ADK: variants seen among roughly 807,000 people sequenced by gnomAD.
The protein encoded by ADK is adenosine kinase.
ADK carries 24 observed loss-of-function variants against 44.7 expected under a neutral mutation model. The observed-to-expected ratio is 0.54, with a 90% CI of 0.39 to 0.76. The LOEUF is 0.76. Ranked by LOEUF, ADK falls within the 30% of genes least tolerant of loss-of-function variation. ADK has a pLI of 0.00. For missense variants in ADK, 321 were observed against 425.1 expected (o/e 0.76, Z 2.15); for synonymous variants, 128 against 142.6 (o/e 0.90, Z 0.73).
intron 6 of ADK, among the ~76,000 whole-genome samples, chr10:74,416,862 T>C (rs79484640): frequency 0.013 from 1,991 of 152,164 alleles, 46 homozygotes; most frequent in African/African-American, 0.045. Context: ...ATTTCATCTT[T>C]TCCAGAGAGG....
At chr10:74,235,435 C>G (rs1411987870) in intron 3 of ADK, among the ~76,000 whole-genome samples, 1 of 152,142 alleles carries the variant, frequency 6.6e-6, no homozygotes, top group East Asian at 1.9e-4. Context: ...TCCTAAGTAG[C>G]TGGGACTACA....
At chr10:74,668,893 A>C (rs11001103) in intron 9 of ADK, among the ~76,000 whole-genome samples, 102,268 of 150,672 alleles carry the variant, frequency 0.68, 35,076 homozygotes, top group Middle Eastern at 0.79. Flanking sequence ...AAAAAAAAGC[A>C]AAAAATTGAC....
intron 4 of ADK, among the ~76,000 whole-genome samples, chr10:74,352,222 CAG>C (rs1390410398): frequency 6.6e-6 from 1 of 152,098 alleles, no homozygotes; most frequent in Non-Finnish European, 1.5e-5. Context: ...GGTACCAAAA[CAG>C]ATATATAGAC....
intron 9 of ADK, among the ~76,000 whole-genome samples, chr10:74,641,033 T>G (rs766573541): frequency 9.2e-5 from 14 of 152,214 alleles, no homozygotes; most frequent in Non-Finnish European, 1.6e-4. Context: ...AAATAGAGCC[T>G]TTGACTTCCC....
intron 4 of ADK, among the ~76,000 whole-genome samples, chr10:74,347,193 C>T (rs1044687050): frequency 7.6e-5 from 11 of 144,642 alleles, no homozygotes; most frequent in Non-Finnish European, 1.5e-4. Context: ...AAGACCAACA[C>T]AGAAGGTGGG....
rs1842692382 is a variant in ADK, at chr10:74,184,962, A to C, written c.66-15802A>C. The stretch of plus-strand genomic sequence containing the variant: ...TGTATATTAAATAGTAATGCACATG[A>C]TTTGAAATTAGGGATTATTTGTTAT... On this transcript the variant is annotated intron_variant, in intron 1 of 10. Coordinates refer to ENST00000539909, the MANE Select transcript of ADK (RefSeq NM_006721.4). 1.3e-5 allele frequency among the ~76,000 whole-genome samples: 2 copies of C among 152,182 alleles called. 1 individual carries two copies. The highest frequency in any genetic ancestry group is 4.8e-5 in the African/African-American group (2 of 41,430).
At chr10:74,617,792 G>C (rs141203251) in intron 9 of ADK, among the ~76,000 whole-genome samples, 66 of 152,040 alleles carry the variant, frequency 4.3e-4, no homozygotes, top group Middle Eastern at 6.8e-3. Context: ...AGGTCTCACT[G>C]TCTTGCCCAG....
At chr10:74,372,679 T>C (rs1453642774) in intron 4 of ADK, among the ~76,000 whole-genome samples, 1 of 152,116 alleles carries the variant, frequency 6.6e-6, no homozygotes, top group Non-Finnish European at 1.5e-5. Context: ...CTCTAAAAAC[T>C]ACATAACATT....
intron 6 of ADK, among the ~76,000 whole-genome samples, chr10:74,432,670 A>G (rs1845043079): frequency 6.6e-6 from 1 of 152,140 alleles, no homozygotes; most frequent in Admixed American, 6.6e-5. Flanking sequence ...TTATAGGACT[A>G]TTCTATGAGT....
intron 2 of ADK, among the ~76,000 whole-genome samples, chr10:74,201,636 G>A (rs1297147265): frequency 6.7e-6 from 1 of 150,138 alleles, no homozygotes; most frequent in Non-Finnish European, 1.5e-5. Flanking sequence ...GTGTTTGTGT[G>A]TGTGTGTATA....
intron 6 of ADK, among the ~76,000 whole-genome samples, chr10:74,433,086 A>T (rs1845055113): frequency 6.6e-6 from 1 of 152,220 alleles, no homozygotes; most frequent in African/African-American, 2.4e-5. Context: ...CCCATTAATT[A>T]GCAAACCAAC....
intron 1 of ADK, among the ~76,000 whole-genome samples, chr10:74,188,829 G>A (rs1256858425): frequency 6.6e-6 from 1 of 152,094 alleles, no homozygotes; most frequent in East Asian, 1.9e-4. Flanking sequence ...CTGGAGTGCA[G>A]TGGTACGATC....
rs376782328 is a variant in ADK at position 74,200,747 on chromosome 10, G to A, written c.66-17G>A. On this transcript the variant is annotated splice_polypyrimidine_tract_variant and intron_variant, in intron 1 of 10. Coordinates refer to ENST00000539909, the MANE Select transcript of ADK (RefSeq NM_006721.4). ...ACTTTTAGAAGTATTTCTAACTTGT[G>A]TTTTGTGTTTTTTTAGAGAAAATAT... 1 of 1,571,462 alleles carries A rather than the reference G, an allele frequency of 6.4e-7. No homozygotes were observed. Among genetic ancestry groups the A allele is most frequent in the Non-Finnish European group, 8.8e-7 (1 of 1,142,660 alleles).
At chr10:74,401,003 T>C (rs903360559) in intron 6 of ADK, among the ~76,000 whole-genome samples, 11 of 152,210 alleles carry the variant, frequency 7.2e-5, no homozygotes, top group Non-Finnish European at 1.6e-4. Flanking sequence ...CCTCTTTTGG[T>C]TTAAATACAG....
intron 6 of ADK, among the ~76,000 whole-genome samples, chr10:74,443,750 G>A (rs192501976): frequency 2.6e-5 from 4 of 152,132 alleles, no homozygotes; most frequent in East Asian, 3.9e-4. Flanking sequence ...AAAACTTTTA[G>A]ACTACTGTGA....
At chr10:74,430,848 A>G (rs1371521283) in intron 6 of ADK, among the ~76,000 whole-genome samples, 2 of 151,956 alleles carry the variant, frequency 1.3e-5, no homozygotes, top group African/African-American at 2.4e-5. Context: ...AAATATGCCT[A>G]GAGTGTTTGA....
chr10:74,692,400 A>T (rs530287446), intron 10 of ADK, among the ~76,000 whole-genome samples: 1 of 152,132 alleles, frequency 6.6e-6, no homozygotes, highest in Non-Finnish European at 1.5e-5. Context: ...AATTGCTTAA[A>T]CCCAGGAGGC....
At chr10:74,408,262 G>A (rs533825850) in intron 6 of ADK, among the ~76,000 whole-genome samples, 24 of 151,824 alleles carry the variant, frequency 1.6e-4, no homozygotes, top group African/African-American at 5.6e-4. Context: ...CAATGTGCTG[G>A]TATTACAGGC....
chr10:74,417,268 T>C (rs1034325973), intron 6 of ADK, among the ~76,000 whole-genome samples: 29 of 152,174 alleles, frequency 1.9e-4, no homozygotes, highest in African/African-American at 6.8e-4. Flanking sequence ...TTTAATTCCC[T>C]TGTTGTCTTT....
Sources: gnomAD v4.1 joint callset for allele counts (sites outside exome capture counted in the v4.1 genomes callset) on GRCh38, gnomAD v4.1.1 for gene constraint, MANE v1.5 for transcripts, NCBI Gene and HGNC (gene_info 2026-07-23, HGNC 2026-07-21) for gene names.